The following RALYL variants were observed in gnomAD, a reference collection of about 807,000 sequenced individuals.
RALYL encodes the protein RALY RNA binding protein like.
Under a neutral mutation model 35.1 loss-of-function variants are expected in RALYL, and 29 were observed. The observed-to-expected ratio is 0.83, with a 90% confidence interval of 0.61 to 1.13. RALYL has a LOEUF of 1.13. RALYL is among the 50% of genes most tolerant of loss of function. The pLI, the probability that RALYL is intolerant of heterozygous loss-of-function variation, is 0.00. For missense variants in RALYL, 359 were observed against 360.4 expected (o/e 1.00, Z 0.03); for synonymous variants, 120 against 127.6 (o/e 0.94, Z 0.40).
At chr8:84,435,932 T>A (rs1426590085) in intron 1 of RALYL, among the ~76,000 whole-genome samples, 2 of 152,124 alleles carry the variant, frequency 1.3e-5, no homozygotes, top group Non-Finnish European at 2.9e-5. Flanking sequence ...TCTAGAAATA[T>A]GGTTGTTGTG....
chr8:84,501,582 C>A (rs1161203415), intron 1 of RALYL, among the ~76,000 whole-genome samples: 1 of 151,874 alleles, frequency 6.6e-6, no homozygotes, highest in African/African-American at 2.4e-5. Flanking sequence ...TAGCAGACAG[C>A]TGGTAAACCA....
At chr8:84,266,939 G>A (rs1038324486) in intron 1 of RALYL, among the ~76,000 whole-genome samples, 4 of 133,258 alleles carry the variant, frequency 3.0e-5, no homozygotes, top group Non-Finnish European at 6.1e-5. Flanking sequence ...CAGCCTGGGC[G>A]ACAGAGCGAG....
intron 2 of RALYL, among the ~76,000 whole-genome samples, chr8:84,717,006 G>A (rs1843044772): frequency 6.6e-6 from 1 of 151,988 alleles, no homozygotes; most frequent in African/African-American, 2.4e-5. Flanking sequence ...GACCAACATG[G>A]TAAAACCCTC....
At chr8:84,834,612 TG>T (rs1415491316) in intron 4 of RALYL, among the ~76,000 whole-genome samples, 1 of 152,122 alleles carries the variant, frequency 6.6e-6, no homozygotes, top group Non-Finnish European at 1.5e-5. Context: ...ACTTTAACAC[TG>T]TGTCAGCAGG....
chr8:84,771,068 C>A (rs1427218535), intron 2 of RALYL, among the ~76,000 whole-genome samples: 1 of 151,542 alleles, frequency 6.6e-6, no homozygotes, highest in African/African-American at 2.4e-5. Flanking sequence ...ATGTATTTTT[C>A]TTTTTATACA....
chr8:84,851,100 T>C (rs1835766850), intron 5 of RALYL, among the ~76,000 whole-genome samples: 1 of 152,212 alleles, frequency 6.6e-6, no homozygotes, highest in Non-Finnish European at 1.5e-5. Context: ...TGCATTTTCA[T>C]CTTTGATCAA....
intron 1 of RALYL, among the ~76,000 whole-genome samples, chr8:84,488,738 G>C (rs1262897558): frequency 6.6e-6 from 1 of 151,962 alleles, no homozygotes; most frequent in Non-Finnish European, 1.5e-5. Context: ...TGCCTAAAAA[G>C]AACATTTTCA....
chr8:84,764,338 T>C (rs1476824378), intron 2 of RALYL, among the ~76,000 whole-genome samples: 3 of 152,232 alleles, frequency 2.0e-5, no homozygotes, highest in East Asian at 1.9e-4. Context: ...GCATATGTTG[T>C]ATGTTCAAAT....
chr8:84,448,685 C>A (rs1446343663), intron 1 of RALYL, among the ~76,000 whole-genome samples: 1 of 151,994 alleles, frequency 6.6e-6, no homozygotes, highest in Non-Finnish European at 1.5e-5. Flanking sequence ...AAAATGAAGA[C>A]AAGGAGAACA....
chr8:84,678,212 T>A (rs1834609495), intron 2 of RALYL, among the ~76,000 whole-genome samples: 1 of 152,140 alleles, frequency 6.6e-6, no homozygotes, highest in African/African-American at 2.4e-5. Flanking sequence ...AATTACTTCC[T>A]ATAAAAATGA....
At chr8:84,830,382 A>G (rs1830647514) in intron 4 of RALYL, among the ~76,000 whole-genome samples, 1 of 151,612 alleles carries the variant, frequency 6.6e-6, no homozygotes, top group African/African-American at 2.4e-5. Flanking sequence ...TCGAACTAAC[A>G]GAAAAAATGG....
chr8:84,510,611 G>T (rs1341568265), intron 1 of RALYL, among the ~76,000 whole-genome samples: 1 of 152,072 alleles, frequency 6.6e-6, no homozygotes, highest in Non-Finnish European at 1.5e-5. Flanking sequence ...ACGAGTTCAA[G>T]ACCAGCCTGA....
At chr8:84,821,357 A>C (rs1828484523) in intron 4 of RALYL, among the ~76,000 whole-genome samples, 1 of 152,192 alleles carries the variant, frequency 6.6e-6, no homozygotes, top group Admixed American at 6.5e-5. Context: ...ATTGGTAGCC[A>C]TTTTGGAATG....
intron 1 of RALYL, among the ~76,000 whole-genome samples, chr8:84,440,089 G>A (rs1341771100): frequency 2.0e-5 from 3 of 151,994 alleles, no homozygotes; most frequent in Non-Finnish European, 4.4e-5. Context: ...CAGAATGTTG[G>A]AGCTTACTGC....
intron 1 of RALYL, among the ~76,000 whole-genome samples, chr8:84,385,361 C>T (rs1858951508): frequency 6.6e-6 from 1 of 151,632 alleles, no homozygotes; most frequent in African/African-American, 2.4e-5. Flanking sequence ...CATTATTTTT[C>T]AAAAGAAGTT....
chr8:84,535,480 G>A (rs2059538291), intron 2 of RALYL, among the ~76,000 whole-genome samples: 1 of 147,052 alleles, frequency 6.8e-6, no homozygotes, highest in Non-Finnish European at 1.5e-5. Context: ...CTGTCGCCCA[G>A]GCTGGAGTGC....
At chr8:84,612,488 G>A (rs1818523535) in intron 2 of RALYL, among the ~76,000 whole-genome samples, 2 of 151,994 alleles carry the variant, frequency 1.3e-5, no homozygotes, top group East Asian at 1.9e-4. Flanking sequence ...GACCACTAAT[G>A]AATCTTATAA....
chr8:84,888,093 G>A (rs1318955149), intron 8 of RALYL, among the ~76,000 whole-genome samples: 1 of 152,172 alleles, frequency 6.6e-6, no homozygotes, highest in Non-Finnish European at 1.5e-5. Context: ...AATTACAAGT[G>A]AACTATATGT....
chr8:84,543,380 G>A (rs1411391686), intron 2 of RALYL, among the ~76,000 whole-genome samples: 1 of 151,256 alleles, frequency 6.6e-6, no homozygotes, highest in Non-Finnish European at 1.5e-5. Context: ...CCCCTTTATA[G>A]TAGTATTCAA....
Sources: allele counts gnomAD v4.1 joint callset (sites outside exome capture counted in the v4.1 genomes callset), GRCh38; gene constraint gnomAD v4.1.1; transcripts MANE v1.5; gene names NCBI Gene and HGNC (gene_info 2026-07-23, HGNC 2026-07-21).